Variants in RBPJ observed in about 807,000 individuals in gnomAD.
The protein encoded by RBPJ is recombining binding protein suppressor of hairless.
Under a neutral mutation model 67.8 loss-of-function variants are expected in RBPJ, and 9 were observed. The observed-to-expected ratio is 0.13, with a 90% confidence interval of 0.08 to 0.23. The LOEUF (loss-of-function observed/expected upper bound fraction) is 0.23. Ranked by LOEUF, RBPJ falls within the 10% of genes least tolerant of loss-of-function variation. The pLI, the probability that RBPJ is intolerant of heterozygous loss-of-function variation, is 1.00. For synonymous variants in RBPJ, 198 were observed against 203.3 expected, an observed-to-expected ratio of 0.97 and a Z score of 0.22; for missense variants, 305 against 595.6, an observed-to-expected ratio of 0.51 and a Z score of 5.08.
intron 3 of RBPJ, among the ~76,000 whole-genome samples, chr4:26,408,874 G>T (rs1176418295): frequency 2.0e-5 from 3 of 152,218 alleles, no homozygotes; most frequent in East Asian, 3.8e-4. Context: ...CTAGAGCAGG[G>T]ATTGAGGAGG....
the RBPJ span, among the ~76,000 whole-genome samples, chr4:26,109,785 G>T: frequency 1.4e-5 from 2 of 141,176 alleles, no homozygotes; most frequent in Non-Finnish European, 3.0e-5. Flanking sequence ...TAAAAAAAAC[G>T]ATTAAAGTTG....
chr4:26,215,227 A>AGGGGGAGTGGG (rs1423960402), intron 1 of RBPJ, among the ~76,000 whole-genome samples: 2 of 47,248 alleles, frequency 4.2e-5, no homozygotes, highest in Non-Finnish European at 7.5e-5. Flanking sequence ...AAAAAGAGAG[A>AGGGGGAGTGGG]AAAGAGAGAA....
At chr4:26,291,417 A>C (rs1379400828) in intron 1 of RBPJ, among the ~76,000 whole-genome samples, 2 of 150,946 alleles carry the variant, frequency 1.3e-5, no homozygotes, top group Non-Finnish European at 3.0e-5. Context: ...CAGTCTTAAC[A>C]ATTGTACAAG....
Position 26,251,872 on chromosome 4 carries a change from A to AG in RBPJ, c.-167+88259dup. On this transcript the variant is annotated intron_variant, in intron 1 of 4. Coordinates refer to the RBPJ transcript ENST00000512351. The stretch of plus-strand genomic sequence containing the variant: ...CAAAAAAAAAAAAAAAAAAAAAAAA[A>AG]GAAGAGGAGGAGAATAAAAAAGACT... 2.1e-5 allele frequency among the ~76,000 whole-genome samples: 3 copies of AG among 146,154 alleles called. No individual in the cohort carries two copies. The Admixed American group carries it at 2.1e-4, about 10-fold the overall frequency.
chr4:26,164,963 T>C (rs77386411), intron 1 of RBPJ, among the ~76,000 whole-genome samples: 4,624 of 152,262 alleles, frequency 0.03, 98 homozygotes, highest in Middle Eastern at 0.082. Context: ...GTCCTTTTCA[T>C]ACCATAGACA....
chr4:26,143,311 C>A, the RBPJ span, among the ~76,000 whole-genome samples: 1 of 152,226 alleles, frequency 6.6e-6, no homozygotes, highest in African/African-American at 2.4e-5. Flanking sequence ...ATTCCCAACA[C>A]AGCAGCCAAG....
intron 1 of RBPJ, among the ~76,000 whole-genome samples, chr4:26,301,418 C>T (rs985276294): frequency 2.0e-5 from 3 of 151,798 alleles, no homozygotes; most frequent in Non-Finnish European, 2.9e-5. Context: ...CGGTGAAACC[C>T]CATCTCTACT....
intron 1 of RBPJ, among the ~76,000 whole-genome samples, chr4:26,242,705 TAAA>T (rs1025631996): frequency 1.2e-4 from 12 of 100,400 alleles, no homozygotes; most frequent in Admixed American, 2.3e-4. Flanking sequence ...CACTCATAGT[TAAA>T]AAAAAAAAAA....
intron 1 of RBPJ, among the ~76,000 whole-genome samples, chr4:26,203,201 A>G (rs1437910599): frequency 6.6e-6 from 1 of 152,162 alleles, no homozygotes; most frequent in East Asian, 1.9e-4. Context: ...TCAAAAATCA[A>G]ATTTCTATGC....
chr4:26,218,352 C>A (rs189942178), intron 1 of RBPJ, among the ~76,000 whole-genome samples: 1 of 152,264 alleles, frequency 6.6e-6, no homozygotes, highest in African/African-American at 2.4e-5. Context: ...ATTCCAGAAC[C>A]GTGGCCGCCT....
In RBPJ at chr4:26,362,264, C is replaced by T. The variant is rs887757091; in HGVS notation, c.21-24089C>T. Among the ~76,000 whole-genome samples, 7 of 152,086 alleles carry T rather than the reference C, an allele frequency of 4.6e-5. No homozygotes were observed. In the South Asian group the frequency reaches 6.2e-4, roughly 13 times the overall value. On this transcript the variant is annotated intron_variant, in intron 1 of 10. Transcript: ENST00000355476. ...TTGTGGGGTTTTACTAGAAAGATCT[C>T]GATAAAGCAAGGACTGTCACTCTAT...
At chr4:26,255,223 T>A (rs1720264768) in intron 1 of RBPJ, among the ~76,000 whole-genome samples, 2 of 136,428 alleles carry the variant, frequency 1.5e-5, no homozygotes, top group African/African-American at 5.7e-5. Flanking sequence ...GCTAACACGG[T>A]GAGACCCCGT....
chr4:26,301,077 C>G (rs751393758), intron 1 of RBPJ, among the ~76,000 whole-genome samples: 1 of 152,208 alleles, frequency 6.6e-6, no homozygotes, highest in African/African-American at 2.4e-5. Flanking sequence ...GATCCAATGA[C>G]TACTTTGTGC....
intron 1 of RBPJ, among the ~76,000 whole-genome samples, chr4:26,284,828 T>C (rs2109279269): frequency 6.6e-6 from 1 of 151,994 alleles, no homozygotes; most frequent in East Asian, 1.9e-4. Context: ...CTGTTGTGTG[T>C]CCTCCATCCC....
At chr4:26,425,197 C>T (rs1735514676) in intron 7 of RBPJ, among the ~76,000 whole-genome samples, 1 of 152,100 alleles carries the variant, frequency 6.6e-6, no homozygotes, top group African/African-American at 2.4e-5. Context: ...TTAGCTTACT[C>T]TCTCACAAGA....
intron 1 of RBPJ, among the ~76,000 whole-genome samples, chr4:26,372,836 G>A (rs1403578562): frequency 6.6e-6 from 1 of 152,202 alleles, no homozygotes; most frequent in Non-Finnish European, 1.5e-5. Context: ...GCACCATCAA[G>A]CCTTGTGCTC....
chr4:26,417,361 C>T (rs979155431), intron 4 of RBPJ, among the ~76,000 whole-genome samples: 11 of 152,292 alleles, frequency 7.2e-5, no homozygotes, highest in African/African-American at 2.4e-4. Flanking sequence ...GGGGCTGCCT[C>T]AACATGGAGA....
At chr4:26,323,360 A>C (rs1399733039) in intron 1 of RBPJ, among the ~76,000 whole-genome samples, 1 of 152,200 alleles carries the variant, frequency 6.6e-6, no homozygotes. Flanking sequence ...GAATGATTAC[A>C]CAGACATGAT....
intron 8 of RBPJ, among the ~76,000 whole-genome samples, 165 bp from the exon 9 acceptor site, chr4:26,429,733 T>C (rs1736025374): frequency 6.6e-6 from 1 of 152,234 alleles, no homozygotes; most frequent in African/African-American, 2.4e-5. Context: ...GCATTCTGTT[T>C]GTGTTTATGT....
Sources: allele counts gnomAD v4.1 joint callset (sites outside exome capture counted in the v4.1 genomes callset), GRCh38; gene constraint gnomAD v4.1.1; transcripts MANE v1.5; gene names NCBI Gene and HGNC (gene_info 2026-07-23, HGNC 2026-07-21).